TTLL10: variants seen among roughly 807,000 people sequenced by gnomAD.
TTLL10 encodes inactive polyglycylase TTLL10.
A neutral mutation model predicts 69.0 loss-of-function variants in TTLL10; 61 were observed. The observed-to-expected ratio is 0.88, with a 90% CI of 0.72 to 1.09. The LOEUF (loss-of-function observed/expected upper bound fraction) is 1.09, where lower values mean the gene tolerates loss of function less well. TTLL10 is among the 50% of genes least tolerant of loss of function. The pLI is 0.00. For missense variants in TTLL10, 962 were observed against 945.9 expected, an observed-to-expected ratio of 1.02 and a Z score of -0.22; for synonymous variants, 408 against 393.3, an observed-to-expected ratio of 1.04 and a Z score of -0.44.
intron 13 of TTLL10, among the ~76,000 whole-genome samples, chr1:1,188,158 G>C (rs1647482487): frequency 6.7e-6 from 1 of 150,338 alleles, no homozygotes; most frequent in South Asian, 2.1e-4. Flanking sequence ...CAATTGACCA[G>C]AGCTGCAAGT....
At chr1:1,177,715 C>A (rs1646919524) in intron 3 of TTLL10, among the ~76,000 whole-genome samples, 1 of 152,226 alleles carries the variant, frequency 6.6e-6, no homozygotes, top group Admixed American at 6.5e-5. Flanking sequence ...GATCCCCTTC[C>A]CCAGCAGGAA....
chr1:1,197,629 C>T lies in TTLL10; in HGVS notation c.1804C>T (p.His602Tyr). The T allele has an allele frequency of 1.3e-6, 2 of 1,514,944 alleles. No homozygotes were observed. Among genetic ancestry groups the T allele is most frequent in the Non-Finnish European group, 1.8e-6 (2 of 1,137,752 alleles). 93.8% of individuals were successfully genotyped at this position (1,514,944 alleles called of 1,614,324 possible). A position where few individuals can be genotyped will look rare whatever the true frequency, so the allele number is the denominator to read the frequency against. Residue 602 changes from histidine to tyrosine, a missense_variant, in exon 16 of 16, where the codon CAT becomes TAT. By Grantham distance (83) the His-to-Tyr change is moderately conservative. Transcript: ENST00000379289. ...QAKSSGPPMP[H>Y]APDQPGARRP... Reference sequence around the variant, plus strand: ...CAAGTCCTCCGGGCCACCCATGCCGCATGCCCCAGACCAGCCGGGCGCCCG... The same window carrying T: ...CAAGTCCTCCGGGCCACCCATGCCGTATGCCCCAGACCAGCCGGGCGCCCG...
Position 1,185,589 on chromosome 1 carries a change from G to A in TTLL10, c.1401+480G>A. On this transcript the variant is annotated intron_variant, in intron 13 of 15. Transcript: ENST00000379289. This position sits in a 1 kb window ranked among gnomAD's most constrained non-coding sequence, Gnocchi z 6.1. Reference sequence around the variant, plus strand: ...GGTTCCTTTCTGTGGGGGTACCTGTGGGGTACTTCAAACAGCCCTAGCAGC... The same window carrying A: ...GGTTCCTTTCTGTGGGGGTACCTGTAGGGTACTTCAAACAGCCCTAGCAGC... The A allele has an allele frequency of 2.0e-6, 2 of 989,872 alleles. No individual in the cohort carries two copies. The highest frequency in any genetic ancestry group is 1.2e-6 in the Non-Finnish European group (1 of 833,160). 61.3% of individuals were successfully genotyped at this position (989,872 alleles called of 1,614,324 possible). A position where few individuals can be genotyped will look rare whatever the true frequency, so the allele number is the denominator to read the frequency against.
chr1:1,184,416 C>T (rs74989427), intron 12 of TTLL10, among the ~76,000 whole-genome samples: 2,684 of 152,286 alleles, frequency 0.018, 45 homozygotes, highest in Non-Finnish European at 0.026. Flanking sequence ...GGGTGGGCGT[C>T]GGAACCGAGG....
intron 13 of TTLL10, among the ~76,000 whole-genome samples, chr1:1,191,976 C>G (rs184584369): frequency 6.6e-6 from 1 of 152,362 alleles, no homozygotes; most frequent in Admixed American, 6.5e-5. Flanking sequence ...TGCCCTCATT[C>G]CCGTCAACCC....
intron 13 of TTLL10, among the ~76,000 whole-genome samples, chr1:1,186,636 G>A (rs1207717701): frequency 4.6e-5 from 7 of 151,980 alleles, no homozygotes; most frequent in Non-Finnish European, 7.4e-5. Context: ...TCCAGATCTC[G>A]CCAACACTTG....
chr1:1,180,681 G>C, intron 7 of TTLL10, 50 bp from the exon 8 acceptor site: 1 of 1,570,926 alleles, frequency 6.4e-7, no homozygotes, highest in Non-Finnish European at 8.6e-7. Flanking sequence ...GAGGGGTGGG[G>C]ACCGAGGTCC....
Position 1,190,431 on chromosome 1 carries a change from ATT to A in TTLL10, c.1401+5335_1401+5336del, listed in dbSNP as rs541647229. 6.7e-3 allele frequency among the ~76,000 whole-genome samples: 956 copies of A among 142,248 alleles called. 13 individuals carry two copies. The highest frequency in any genetic ancestry group is 0.021 in the African/African-American group (814 of 38,858). 93.3% of individuals were successfully genotyped at this position (142,248 alleles called of 152,430 possible). The stretch of plus-strand genomic sequence containing the variant: ...GGTTTAGTTTGCTCTTCTTTTACTA[ATT>A]TTTTTTTTTTTTGAGATGGAGTCTT... On this transcript the variant is annotated intron_variant, in intron 13 of 15. Transcript: ENST00000379289.
rs1290110939 is a variant in TTLL10, at chr1:1,182,418, G to C, written c.888G>C (p.Glu296Asp). ...CCTACCGCCTGGACCTCAAACACGAGAGAGAGGCCTTTTTCACCTTGTTTG... is the reference window on the plus strand; with the variant it reads ...CCTACCGCCTGGACCTCAAACACGACAGAGAGGCCTTTTTCACCTTGTTTG... ...PETYRLDLKHEREAFFTLFDE... is the reference protein window; with the variant it reads ...PETYRLDLKHDREAFFTLFDE... The change falls in exon 10 of 16, where the codon GAG becomes GAC. Residue 296 changes from glutamate (E) to aspartate (D), a missense_variant. Transcript: ENST00000379289. 6.2e-7 allele frequency: 1 copy of C among 1,613,886 alleles called. No individual in the cohort carries two copies. Among genetic ancestry groups the C allele is most frequent in the Non-Finnish European group, 8.5e-7 (1 of 1,179,954 alleles).
chr1:1,187,495 T>TG (rs1236227748), intron 13 of TTLL10, among the ~76,000 whole-genome samples: 2 of 151,464 alleles, frequency 1.3e-5, no homozygotes, highest in African/African-American at 4.9e-5. Flanking sequence ...CCAGGCGTGG[T>TG]GGTGGGTGCT....
At position 1,180,596 on chromosome 1, in the gene TTLL10, G is replaced by T; in HGVS notation, c.620G>T (p.Arg207Leu). Reference sequence around the variant, plus strand: ...AGCCGAGACAGCTACGGCAGCTTCCGGGAAGGTAGCGGGAGCCGGCACCAG... The same window carrying T: ...AGCCGAGACAGCTACGGCAGCTTCCTGGAAGGTAGCGGGAGCCGGCACCAG... ...VKSRDSYGSF[R>L]EGEQLLYQLP... is the part of the protein sequence containing the mutation. Residue 207 changes from arginine (R) to leucine (L), a missense_variant, in exon 7 of 16, where the codon CGG becomes CTG. Physicochemically the swap from Arg to Leu is moderately radical, Grantham distance 102 (BLOSUM62 -2). Coordinates refer to ENST00000379289, the MANE Select transcript of TTLL10 (RefSeq NM_001130045.2). 1 of 1,551,788 alleles carries T rather than the reference G, an allele frequency of 6.4e-7. No homozygotes were observed. The highest frequency in any genetic ancestry group is 1.2e-5 in the South Asian group (1 of 84,148).
At chr1:1,188,030 G>T (rs1264280921) in intron 13 of TTLL10, among the ~76,000 whole-genome samples, 1 of 152,168 alleles carries the variant, frequency 6.6e-6, no homozygotes, top group Non-Finnish European at 1.5e-5. Context: ...TTTGTGTATG[G>T]TGTGAGTTAG....
intron 13 of TTLL10, among the ~76,000 whole-genome samples, chr1:1,192,750 A>C (rs1376931755): frequency 2.6e-5 from 4 of 152,062 alleles, no homozygotes; most frequent in Non-Finnish European, 5.9e-5. Context: ...AGTTGGTATG[A>C]GTGTAGACAC....
rs1310939424 is a variant in TTLL10 at position 1,181,660 on chromosome 1, T to C, written c.756-81T>C. 10 of 1,328,890 alleles carry C rather than the reference T, an allele frequency of 7.5e-6. No homozygotes were observed. Among genetic ancestry groups the C allele is most frequent in the East Asian group, 2.5e-5 (1 of 39,704 alleles). 82.3% of individuals were successfully genotyped at this position (1,328,890 alleles called of 1,614,324 possible). ...TCACAGTCCGCCCACTCACCACCCA[T>C]GCCCCATCCCCCAGTCCCCACCCGC... On this transcript the variant is annotated intron_variant, in intron 8 of 15. Coordinates refer to ENST00000379289, the MANE Select transcript of TTLL10 (RefSeq NM_001130045.2). This position sits in a 1 kb window ranked among gnomAD's most constrained non-coding sequence, Gnocchi z 4.6.
intron 13 of TTLL10, among the ~76,000 whole-genome samples, chr1:1,190,876 A>G (rs1557488989): frequency 1.3e-5 from 2 of 151,408 alleles, no homozygotes; most frequent in East Asian, 3.9e-4. Flanking sequence ...CCTAGGCTGG[A>G]GTGTAATGGC....
chr1:1,196,471 G>T, intron 13 of TTLL10, 129 bp from the exon 14 acceptor site: 2 of 682,138 alleles, frequency 2.9e-6, no homozygotes, highest in Non-Finnish European at 5.3e-6. Flanking sequence ...GAACGTGTGG[G>T]CAGGTGTGGC....
intron 3 of TTLL10, chr1:1,176,141 G>A: frequency 2.2e-6 from 1 of 447,760 alleles, no homozygotes; most frequent in South Asian, 1.6e-5. Flanking sequence ...GGCTGACGCT[G>A]TGCAGGTGGA....
In TTLL10 at chr1:1,180,887, G is replaced by A. The variant is rs372674924; in HGVS notation, c.755+27G>A. On this transcript the variant is annotated intron_variant, in intron 8 of 15. Coordinates refer to ENST00000379289, the MANE Select transcript of TTLL10 (RefSeq NM_001130045.2). ...TGAGTCTGCCCCTGCCCCTGCCCCC[G>A]TCCCTGCGCCCGCCCCTACGCCTGC... is the stretch of plus-strand genomic sequence containing the variant. 753 of 1,348,260 alleles carry A rather than the reference G, an allele frequency of 5.6e-4. 1 individual carries two copies. The African/African-American group carries it at 8.4e-3, about 15-fold the overall frequency. The allele number at this position is 1,348,260 out of a possible 1,614,324, so 83.5% of individuals were successfully genotyped here.
intron 7 of TTLL10, 37 bp from the exon 8 acceptor site, chr1:1,180,694 C>T (rs771073026): frequency 2.0e-5 from 31 of 1,583,810 alleles, no homozygotes; most frequent in Admixed American, 3.5e-5. Context: ...CGAGGTCCTG[C>T]GCTCCCTCCA....
Sources: gnomAD v4.1 joint callset for allele counts (sites outside exome capture counted in the v4.1 genomes callset) on GRCh38, gnomAD v4.1.1 for gene constraint, Gnocchi (gnomAD v3.1) non-coding constraint, MANE v1.5 for transcripts, NCBI Gene and HGNC (gene_info 2026-07-23, HGNC 2026-07-21) for gene names.